Variants in PDE10A observed in about 807,000 individuals in gnomAD.
The protein encoded by PDE10A is cAMP and cAMP-inhibited cGMP 3',5'-cyclic phosphodiesterase 10A.
PDE10A carries 39 observed loss-of-function variants against 97.7 expected under a neutral mutation model. The ratio of observed to expected loss-of-function variants is 0.40; its 90% CI spans 0.31 to 0.52. The LOEUF is 0.52. Among genes scored for constraint, PDE10A ranks in the 20% least tolerant of loss-of-function variants. The probability of loss-of-function intolerance (pLI) is 0.56; values close to 1 mark genes in which losing one functional copy is unlikely to be tolerated. For synonymous variants in PDE10A, 371 were observed against 376.8 expected (o/e 0.98, Z 0.18); for missense variants, 731 against 1,047.8 (o/e 0.70, Z 4.17).
At chr6:165,764,844 G>T (rs1294476947) in intron 1 of PDE10A, among the ~76,000 whole-genome samples, 1 of 152,180 alleles carries the variant, frequency 6.6e-6, no homozygotes. Context: ...GCCACTGCTG[G>T]CTCGGGCAGC....
chr6:165,876,784 ACT>A (rs1331482774), intron 1 of PDE10A, among the ~76,000 whole-genome samples: 2 of 152,186 alleles, frequency 1.3e-5, no homozygotes, highest in Non-Finnish European at 2.9e-5. Flanking sequence ...TTGTTTGGAG[ACT>A]AAACTTGGTG....
intron 1 of PDE10A, among the ~76,000 whole-genome samples, chr6:165,787,626 A>G (rs535059435): frequency 6.6e-6 from 1 of 152,344 alleles, no homozygotes; most frequent in Admixed American, 6.5e-5. Flanking sequence ...AGGAGTGATT[A>G]CTCAGCAATG....
chr6:165,838,582 C>A (rs1488418605), intron 1 of PDE10A, among the ~76,000 whole-genome samples: 2 of 152,178 alleles, frequency 1.3e-5, no homozygotes, highest in African/African-American at 4.8e-5. Context: ...CCTCCCCCAG[C>A]CCTGAGCAGC....
In PDE10A at chr6:165,567,640, C is replaced by T. The variant is rs187204857; in HGVS notation, c.866-24072G>A. 4.0e-4 allele frequency among the ~76,000 whole-genome samples: 61 copies of T among 152,220 alleles called. 1 individual carries two copies. In the South Asian group the frequency reaches 9.3e-3, roughly 23 times the overall value. On this transcript the variant is annotated intron_variant, in intron 1 of 21. Coordinates refer to ENST00000539869, the MANE Select transcript of PDE10A (RefSeq NM_001385079.1). The stretch of plus-strand genomic sequence containing the variant: ...TAACAGGCTCAGTAACCAGGTATTT[C>T]GTCTCTCTCAATACTTTTTAAAAAT...
rs199680048 is a variant in PDE10A at position 165,435,370 on chromosome 6, C to G, written c.1202G>C (p.Cys401Ser). ...CTTTATCCCAGGTGGCGTGAATATA[C>G]ACAGGCTCTAGGGAGAAGAAAAGAT... ...YFLGECNNSL[C>S]IFTPPGIKEG... The change falls in exon 6 of 22, where the codon TGT becomes TCT. Residue 401 changes from cysteine to serine, a missense_variant. Transcript: ENST00000539869. The G allele has an allele frequency of 6.8e-5, 109 of 1,613,790 alleles. No individual in the cohort carries two copies. The East Asian group carries it at 2.0e-3, about 29-fold the overall frequency.
Position 165,428,541 on chromosome 6 carries a change from C to T in PDE10A, c.1653+117G>A, listed in dbSNP as rs559335752. On this transcript the variant is annotated intron_variant, in intron 10 of 21. Coordinates refer to ENST00000539869, the MANE Select transcript of PDE10A (RefSeq NM_001385079.1). The stretch of plus-strand genomic sequence containing the variant: ...AGATCAAGGTGAATTCCTAAGCCAC[C>T]ACATTTTCATAATATTGAAAGTGCC... 3.1e-5 allele frequency: 19 copies of T among 604,516 alleles called. No individual in the cohort carries two copies. The Admixed American group carries it at 5.8e-4, about 18-fold the overall frequency. The allele number at this position is 604,516 out of a possible 1,614,324, so 37.4% of individuals were successfully genotyped here.
At chr6:165,483,353 T>C (rs1441166464) in intron 2 of PDE10A, among the ~76,000 whole-genome samples, 1 of 152,232 alleles carries the variant, frequency 6.6e-6, no homozygotes, top group African/African-American at 2.4e-5. Context: ...ATTACTGTAT[T>C]AATACACACT....
intron 1 of PDE10A, among the ~76,000 whole-genome samples, chr6:165,827,886 A>G (rs983392856): frequency 1.3e-5 from 2 of 152,184 alleles, no homozygotes; most frequent in African/African-American, 4.8e-5. Context: ...GCTCCCACAT[A>G]TAAGTAAGAA....
intron 1 of PDE10A, among the ~76,000 whole-genome samples, chr6:165,961,040 T>A (rs1335303821): frequency 6.9e-6 from 1 of 145,402 alleles, no homozygotes; most frequent in Admixed American, 6.8e-5. Context: ...TGTTCAGCTC[T>A]GGGCCAGGAG....
At position 165,524,017 on chromosome 6, in the gene PDE10A, G is replaced by A. The variant is rs1005633343; in HGVS notation, c.994+19423C>T. Among the ~76,000 whole-genome samples, 4 of 152,250 alleles carry A rather than the reference G, an allele frequency of 2.6e-5. No individual in the cohort carries two copies. In the South Asian group the frequency reaches 8.3e-4, roughly 32 times the overall value. On this transcript the variant is annotated intron_variant, in intron 2 of 21. Coordinates refer to ENST00000539869, the MANE Select transcript of PDE10A (RefSeq NM_001385079.1). Reference sequence around the variant, plus strand: ...AGCAGGCAGAAAGACATGAAAAGGTGAGACTGGCCTAGCTTTCCAGCCTAC... The same window carrying A: ...AGCAGGCAGAAAGACATGAAAAGGTAAGACTGGCCTAGCTTTCCAGCCTAC...
At chr6:165,385,932 T>C (rs1312672163) in intron 17 of PDE10A, among the ~76,000 whole-genome samples, 1 of 152,202 alleles carries the variant, frequency 6.6e-6, no homozygotes, top group Non-Finnish European at 1.5e-5. Flanking sequence ...GTTTTTGCAA[T>C]GTACCTAGCA....
intron 1 of PDE10A, chr6:165,718,264 T>G (rs1186745311): frequency 2.0e-5 from 3 of 152,240 alleles, no homozygotes; most frequent in African/African-American, 7.2e-5. Context: ...TGAATTTGCA[T>G]GTCATCCTTG....
At chr6:165,749,593 T>C (rs1406665531) in intron 1 of PDE10A, among the ~76,000 whole-genome samples, 1 of 152,228 alleles carries the variant, frequency 6.6e-6, no homozygotes, top group East Asian at 1.9e-4. Context: ...TAAATGCTCC[T>C]AAAATATTGG....
intron 13 of PDE10A, among the ~76,000 whole-genome samples, chr6:165,401,225 T>C (rs1446680562): frequency 6.6e-6 from 1 of 152,190 alleles, no homozygotes; most frequent in African/African-American, 2.4e-5. Flanking sequence ...AGGGTATAGA[T>C]GTCATAATTT....
At chr6:165,404,712 T>C (rs1786977884) in intron 13 of PDE10A, among the ~76,000 whole-genome samples, 1 of 152,142 alleles carries the variant, frequency 6.6e-6, no homozygotes, top group African/African-American at 2.4e-5. Context: ...TAGATATTAG[T>C]ACCCTCTACA....
chr6:165,950,325 C>A (rs529589038), intron 1 of PDE10A, among the ~76,000 whole-genome samples: 46 of 152,288 alleles, frequency 3.0e-4, no homozygotes, highest in African/African-American at 1.1e-3. Context: ...TTTTACCCAA[C>A]AAGATTCACT....
At chr6:165,874,267 G>T (rs1173327115) in intron 1 of PDE10A, among the ~76,000 whole-genome samples, 1 of 152,158 alleles carries the variant, frequency 6.6e-6, no homozygotes, top group African/African-American at 2.4e-5. Flanking sequence ...CAGATTCAAA[G>T]TTGGGAGCCA....
Position 165,741,449 on chromosome 6 carries a change from G to A in PDE10A, c.-614-197881C>T, listed in dbSNP as rs186077710. Among the ~76,000 whole-genome samples the A allele has an allele frequency of 3.7e-4, 56 of 152,102 alleles. 1 individual carries two copies. Among genetic ancestry groups the A allele is most frequent in the Non-Finnish European group, 4.1e-4 (28 of 67,970 alleles). On this transcript the variant is annotated intron_variant, in intron 1 of 19. Transcript: ENST00000366882. ...TAGATGGATCAAAATTTTAAAGTCC[G>A]ACAAGTCAAATGTTGACAAAGATCT...
intron 15 of PDE10A, among the ~76,000 whole-genome samples, chr6:165,393,890 C>A (rs144049004): frequency 5.2e-4 from 79 of 152,256 alleles, no homozygotes; most frequent in African/African-American, 1.9e-3. Context: ...GCCTCTAGGA[C>A]AGGCCAAAGT....
Sources: gnomAD v4.1 joint callset for allele counts (sites outside exome capture counted in the v4.1 genomes callset) on GRCh38, gnomAD v4.1.1 for gene constraint, MANE v1.5 for transcripts, NCBI Gene and HGNC (gene_info 2026-07-23, HGNC 2026-07-21) for gene names.